The following XPR1 variants were observed in gnomAD, a reference collection of about 807,000 sequenced individuals.
The protein encoded by XPR1 is xenotropic and polytropic retrovirus receptor 1, also known as solute carrier family 53 member 1.
A neutral mutation model predicts 87.5 loss-of-function variants in XPR1; 28 were observed. The observed-to-expected ratio is 0.32, with a 90% confidence interval of 0.24 to 0.44. The LOEUF is 0.44. XPR1 is among the 20% of genes least tolerant of loss of function. The pLI is 1.00. For missense variants in XPR1, 559 were observed against 862.3 expected (o/e 0.65, Z 4.41); for synonymous variants, 300 against 306.1 (o/e 0.98, Z 0.21).
chr1:180,856,088 T>G (rs1208910488), intron 11 of XPR1, among the ~76,000 whole-genome samples: 1 of 152,196 alleles, frequency 6.6e-6, no homozygotes, highest in Non-Finnish European at 1.5e-5. Flanking sequence ...GTCTAGTCTT[T>G]TTTCCTTTTC....
At chr1:180,734,674 T>C (rs531298276) in intron 2 of XPR1, among the ~76,000 whole-genome samples, 5 of 152,184 alleles carry the variant, frequency 3.3e-5, no homozygotes, top group Admixed American at 2.0e-4. Context: ...ATCTTCAGTA[T>C]GGCGTATCAG....
At chr1:180,725,841 T>A (rs1658318215) in intron 2 of XPR1, among the ~76,000 whole-genome samples, 1 of 152,232 alleles carries the variant, frequency 6.6e-6, no homozygotes, top group South Asian at 2.1e-4. Flanking sequence ...CACTCCTTAA[T>A]TGCTATGTGC....
At chr1:180,788,084 G>A (rs191476675) in intron 3 of XPR1, among the ~76,000 whole-genome samples, 5 of 152,274 alleles carry the variant, frequency 3.3e-5, no homozygotes, top group African/African-American at 9.6e-5. Context: ...TTGGGACTTC[G>A]TTGAGAGGCA....
intron 11 of XPR1, among the ~76,000 whole-genome samples, chr1:180,857,798 TG>T (rs937688188): frequency 2.1e-4 from 32 of 152,184 alleles, no homozygotes; most frequent in African/African-American, 7.7e-4. Context: ...AGCAAGCAGA[TG>T]TTTTTTTGGA....
At chr1:180,783,728 T>G (rs1649031280) in intron 2 of XPR1, among the ~76,000 whole-genome samples, 1 of 151,992 alleles carries the variant, frequency 6.6e-6, no homozygotes. Flanking sequence ...CACTCCCCTT[T>G]TGGACATCAG....
At chr1:180,796,670 C>T (rs1649584163) in intron 3 of XPR1, among the ~76,000 whole-genome samples, 1 of 151,942 alleles carries the variant, frequency 6.6e-6, no homozygotes, top group African/African-American at 2.4e-5. Context: ...AGAGTGTTAA[C>T]AGCAGCATTA....
intron 4 of XPR1, among the ~76,000 whole-genome samples, chr1:180,805,062 T>A (rs1649939639): frequency 6.6e-6 from 1 of 152,204 alleles, no homozygotes; most frequent in South Asian, 2.1e-4. Flanking sequence ...CTGCTTTATC[T>A]TCTATTCTTT....
At chr1:180,839,098 G>T (rs1357153026) in intron 11 of XPR1, among the ~76,000 whole-genome samples, 1 of 152,084 alleles carries the variant, frequency 6.6e-6, no homozygotes. Flanking sequence ...TAGGAGTTTC[G>T]TTGTTGCAGT....
Position 180,818,376 on chromosome 1 carries a change from T to C in XPR1, c.764-6377T>C, listed in dbSNP as rs531449860. On this transcript the variant is annotated intron_variant, in intron 7 of 14. Coordinates refer to ENST00000367590, the MANE Select transcript of XPR1 (RefSeq NM_004736.4). ...TACATATTTGCTTACTAACACAACCTAGCCCCATTGTTAAGTGTGCAGGCT... is the reference window on the plus strand; with the variant it reads ...TACATATTTGCTTACTAACACAACCCAGCCCCATTGTTAAGTGTGCAGGCT... Among the ~76,000 whole-genome samples, 72 of 151,644 alleles carry C rather than the reference T, an allele frequency of 4.7e-4. 1 individual carries two copies. Among genetic ancestry groups the C allele is most frequent in the Middle Eastern group, 3.4e-3 (1 of 294 alleles).
intron 3 of XPR1, among the ~76,000 whole-genome samples, chr1:180,798,295 G>A (rs530998176): frequency 1.4e-4 from 21 of 151,676 alleles, no homozygotes; most frequent in Admixed American, 3.9e-4. Context: ...ATATAATCAC[G>A]GAAGTTAGTA....
intron 2 of XPR1, among the ~76,000 whole-genome samples, chr1:180,733,767 C>G (rs986961878): frequency 1.3e-5 from 2 of 152,160 alleles, no homozygotes; most frequent in Admixed American, 1.3e-4. Flanking sequence ...TCAAGGATAA[C>G]TTTCCAGTTT....
rs1022167765 is a variant in XPR1 at position 180,734,422 on chromosome 1, A to G, written c.121+52011A>G. Among the ~76,000 whole-genome samples, 4 of 152,204 alleles carry G rather than the reference A, an allele frequency of 2.6e-5. No individual in the cohort carries two copies. In the South Asian group the frequency reaches 8.3e-4, roughly 31 times the overall value. ...AGGGGTAAGGAAGAGGAATTGGTCA[A>G]CAGCAAACAGGCAGTGGGTTAGGCA... On this transcript the variant is annotated intron_variant, in intron 2 of 14. Coordinates refer to ENST00000367590, the MANE Select transcript of XPR1 (RefSeq NM_004736.4).
At chr1:180,763,728 T>A (rs76700867) in intron 2 of XPR1, among the ~76,000 whole-genome samples, 1 of 152,186 alleles carries the variant, frequency 6.6e-6, no homozygotes, top group African/African-American at 2.4e-5. Flanking sequence ...CTTATAAAAT[T>A]AAAGAGTGAC....
At chr1:180,825,086 A>T in intron 8 of XPR1, 79 bp from the exon 9 acceptor site, 1 of 1,514,804 alleles carries the variant, frequency 6.6e-7, no homozygotes, top group South Asian at 1.3e-5. Flanking sequence ...CTTTTGTTTT[A>T]TTAAAGATAT....
intron 2 of XPR1, among the ~76,000 whole-genome samples, chr1:180,682,819 TGTGTGTGTGTGTGC>T (rs1333082592): frequency 1.3e-4 from 20 of 151,088 alleles, no homozygotes; most frequent in African/African-American, 3.9e-4. Context: ...TTACAATGGA[TGTGTGTGTGTGTGC>T]GTGTGTGTGT....
chr1:180,797,566 G>C (rs911720564), intron 3 of XPR1, among the ~76,000 whole-genome samples: 2 of 152,148 alleles, frequency 1.3e-5, no homozygotes, highest in Non-Finnish European at 2.9e-5. Flanking sequence ...TGACAGTTCT[G>C]ACTGAGGACA....
Position 180,680,356 on chromosome 1 carries a change from C to CTTTT in XPR1, c.70-2004_70-2003insTTTT, listed in dbSNP as rs1557953500. On this transcript the variant is annotated intron_variant, in intron 1 of 14. Transcript: ENST00000367590. ...ATTCCTCAAATAACTACAAATAGAA[C>CTTTT]CTTTTTTTTTTTTTTTTTTTTTTTT... Among the ~76,000 whole-genome samples, 143 of 119,674 alleles carry CTTTT rather than the reference C, an allele frequency of 1.2e-3. 1 individual carries two copies. Among genetic ancestry groups the CTTTT allele is most frequent in the African/African-American group, 4.3e-3 (136 of 31,442 alleles). 78.5% of individuals were successfully genotyped at this position (119,674 alleles called of 152,430 possible).
chr1:180,879,037 T>C (rs1468783425), intron 13 of XPR1, among the ~76,000 whole-genome samples: 1 of 152,232 alleles, frequency 6.6e-6, no homozygotes, highest in Non-Finnish European at 1.5e-5. Flanking sequence ...ATCTAATGAT[T>C]AGCTCTAACC....
chr1:180,692,894 A>G (rs545596080), intron 2 of XPR1, among the ~76,000 whole-genome samples: 1 of 152,320 alleles, frequency 6.6e-6, no homozygotes, highest in East Asian at 1.9e-4. Flanking sequence ...ACGGGTTTAT[A>G]ATCCTTTCTT....
Sources: gnomAD v4.1 joint callset for allele counts (sites outside exome capture counted in the v4.1 genomes callset) on GRCh38, gnomAD v4.1.1 for gene constraint, MANE v1.5 for transcripts, NCBI Gene and HGNC (gene_info 2026-07-23, HGNC 2026-07-21) for gene names.